RPS6KC1: variants seen among roughly 807,000 people sequenced by gnomAD.
RPS6KC1 encodes inactive ribosomal protein S6 kinase delta-1.
RPS6KC1 carries 54 observed loss-of-function variants against 103.8 expected under a neutral mutation model. The ratio of observed to expected loss-of-function variants is 0.52; its 90% CI spans 0.42 to 0.65. The LOEUF (loss-of-function observed/expected upper bound fraction) is 0.65. RPS6KC1 is among the 30% of genes least tolerant of loss of function. The pLI is 0.00. For synonymous variants in RPS6KC1, 439 were observed against 438.7 expected, an observed-to-expected ratio of 1.00 and a Z score of -0.01; for missense variants, 1,151 against 1,253.8, an observed-to-expected ratio of 0.92 and a Z score of 1.24.
the RPS6KC1 span, among the ~76,000 whole-genome samples, chr1:213,582,612 A>G: frequency 6.6e-6 from 1 of 152,220 alleles, no homozygotes; most frequent in African/African-American, 2.4e-5. Context: ...CGATTTTTAA[A>G]GTAGAAAGGT....
the RPS6KC1 span, among the ~76,000 whole-genome samples, chr1:213,507,018 GGA>G: frequency 6.6e-6 from 1 of 152,148 alleles, no homozygotes; most frequent in African/African-American, 2.4e-5. Context: ...AATTATTCCA[GGA>G]GAGAGTGTTC....
chr1:213,741,915 C>T, the RPS6KC1 span, among the ~76,000 whole-genome samples: 1 of 152,032 alleles, frequency 6.6e-6, no homozygotes, highest in Admixed American at 6.5e-5. Context: ...CATCCTCATC[C>T]ATTATAGACA....
chr1:213,357,679 A>C, the RPS6KC1 span, among the ~76,000 whole-genome samples: 1 of 152,208 alleles, frequency 6.6e-6, no homozygotes, highest in Admixed American at 6.5e-5. Context: ...GAGACCAAAG[A>C]AAGTGCCATT....
chr1:213,398,134 C>T, the RPS6KC1 span, among the ~76,000 whole-genome samples: 11,242 of 150,806 alleles, frequency 0.075, 571 homozygotes, highest in East Asian at 0.24. Flanking sequence ...TGGGTTCAAG[C>T]GATTCTTCTG....
chr1:213,217,895 G>T (rs894225158), intron 8 of RPS6KC1, among the ~76,000 whole-genome samples: 1 of 152,182 alleles, frequency 6.6e-6, no homozygotes, highest in Admixed American at 6.5e-5. Context: ...AGCTGTCTAT[G>T]ACAAACCCAC....
At chr1:213,732,187 A>G in the RPS6KC1 span, among the ~76,000 whole-genome samples, 1 of 152,190 alleles carries the variant, frequency 6.6e-6, no homozygotes, top group African/African-American at 2.4e-5. Flanking sequence ...TCTCAAATCT[A>G]GGTGGTACCA....
chr1:213,410,530 G>GC, the RPS6KC1 span, among the ~76,000 whole-genome samples: 1 of 152,192 alleles, frequency 6.6e-6, no homozygotes. Context: ...TGTTGAAGAG[G>GC]ATGGAGAGGG....
chr1:213,081,652 GT>G (rs76134090), intron 3 of RPS6KC1, among the ~76,000 whole-genome samples: 4,078 of 139,214 alleles, frequency 0.029, 90 homozygotes, highest in East Asian at 0.073. Flanking sequence ...CTCTCTTAAG[GT>G]TTTTTTTTTT....
chr1:213,529,891 G>C, the RPS6KC1 span, among the ~76,000 whole-genome samples: 4 of 152,150 alleles, frequency 2.6e-5, no homozygotes, highest in Non-Finnish European at 5.9e-5. Context: ...CTCAAAGCTA[G>C]ATTTTGCTTG....
the RPS6KC1 span, among the ~76,000 whole-genome samples, chr1:213,342,290 T>G: frequency 4.6e-5 from 7 of 152,252 alleles, no homozygotes; most frequent in Non-Finnish European, 1.0e-4. Flanking sequence ...CATATTTTGC[T>G]GATTCCTTGG....
chr1:213,843,186 C>T, the RPS6KC1 span, among the ~76,000 whole-genome samples: 6 of 152,088 alleles, frequency 3.9e-5, no homozygotes, highest in African/African-American at 7.2e-5. Flanking sequence ...GGATGAGATC[C>T]GCCCACATTT....
the RPS6KC1 span, among the ~76,000 whole-genome samples, chr1:213,400,061 G>GA: frequency 3.7e-3 from 560 of 152,238 alleles, no homozygotes; most frequent in Non-Finnish European, 6.1e-3. Flanking sequence ...GAAATTCATA[G>GA]AAAAAAGAGG....
chr1:213,267,649 T>C (rs2094942814), intron 14 of RPS6KC1, among the ~76,000 whole-genome samples: 1 of 152,010 alleles, frequency 6.6e-6, no homozygotes, highest in Non-Finnish European at 1.5e-5. Context: ...AATGAAACTG[T>C]GTTTAAATTA....
At chr1:213,294,246 G>A in the RPS6KC1 span, among the ~76,000 whole-genome samples, 1 of 152,200 alleles carries the variant, frequency 6.6e-6, no homozygotes, top group African/African-American at 2.4e-5. Flanking sequence ...TGATCTTGTA[G>A]TTTACCATCC....
the RPS6KC1 span, among the ~76,000 whole-genome samples, chr1:213,423,854 C>G: frequency 6.6e-6 from 1 of 152,190 alleles, no homozygotes; most frequent in African/African-American, 2.4e-5. Context: ...AAGAGCTCTT[C>G]TGCACAACGA....
chr1:213,613,996 T>A, the RPS6KC1 span, among the ~76,000 whole-genome samples: 4 of 152,228 alleles, frequency 2.6e-5, no homozygotes, highest in Admixed American at 2.6e-4. Context: ...AGGAAAGATC[T>A]TCCCCTCTGA....
chr1:213,434,964 T>C, the RPS6KC1 span, among the ~76,000 whole-genome samples: 1 of 152,202 alleles, frequency 6.6e-6, no homozygotes, highest in African/African-American at 2.4e-5. Context: ...TTTCTTCAAG[T>C]AATTTTTCTC....
the RPS6KC1 span, among the ~76,000 whole-genome samples, chr1:213,410,224 A>G: frequency 1.3e-5 from 2 of 152,188 alleles, no homozygotes; most frequent in Non-Finnish European, 2.9e-5. Context: ...GGCAGCAGAA[A>G]GGGACCAAAG....
intron 8 of RPS6KC1, among the ~76,000 whole-genome samples, chr1:213,215,463 T>C (rs537273556): frequency 2.1e-3 from 320 of 152,296 alleles, no homozygotes; most frequent in Non-Finnish European, 3.2e-3. Context: ...TGCAGAATAT[T>C]ATCCAGGAGA....
Sources: allele counts gnomAD v4.1 joint callset (sites outside exome capture counted in the v4.1 genomes callset), GRCh38; gene constraint gnomAD v4.1.1; transcripts MANE v1.5; gene names NCBI Gene and HGNC (gene_info 2026-07-23, HGNC 2026-07-21).